Variants in WDR26 observed in about 807,000 individuals in gnomAD.
WDR26 encodes the protein WD repeat domain 26, also known as WD repeat-containing protein 26.
In WDR26, 5 loss-of-function variants were observed where a neutral mutation model predicts 84.1. That is an observed-to-expected ratio of 0.06 (90% CI 0.03 to 0.13). The LOEUF (loss-of-function observed/expected upper bound fraction) is 0.13. WDR26 is among the 10% of genes least tolerant of loss of function. WDR26 has a pLI of 1.00. For missense variants in WDR26, 642 were observed against 974.9 expected, an observed-to-expected ratio of 0.66 and a Z score of 4.55; for synonymous variants, 415 against 389.6, an observed-to-expected ratio of 1.07 and a Z score of -0.77.
chr1:224,419,704 C>T (rs2102914223), intron 4 of WDR26, 89 bp from the exon 5 acceptor site: 1 of 988,292 alleles, frequency 1.0e-6, no homozygotes, highest in East Asian at 2.5e-5. Flanking sequence ...TGGCTATCTG[C>T]TTCTTACTAA....
chr1:224,395,075 G>C (rs1033367056), intron 12 of WDR26, among the ~76,000 whole-genome samples: 1 of 152,174 alleles, frequency 6.6e-6, no homozygotes. Context: ...TTGGTTGAGA[G>C]TATGGGCTCT....
In WDR26 at chr1:224,399,037, G is replaced by A; in HGVS notation, c.1720-3C>T. The A allele has an allele frequency of 6.6e-7, 1 of 1,523,572 alleles. No individual in the cohort carries two copies. Among genetic ancestry groups the A allele is most frequent in the South Asian group, 1.3e-5 (1 of 77,306 alleles). The allele number at this position is 1,523,572 out of a possible 1,614,324, so 94.4% of individuals were successfully genotyped here. A position where few individuals can be genotyped will look rare whatever the true frequency, so the allele number is the denominator to read the frequency against. On this transcript the variant is annotated splice_polypyrimidine_tract_variant and splice_region_variant and intron_variant, in intron 9 of 13. Coordinates refer to ENST00000414423, the MANE Select transcript of WDR26 (RefSeq NM_001379403.1). ...TCAAGGAGATTACCATCTAAGTCCT[G>A]AGTAAGAAAAAACTACTATTAACTT...
At chr1:224,407,137 A>ATAT (rs1553355646) in intron 7 of WDR26, among the ~76,000 whole-genome samples, 3 of 38,476 alleles carry the variant, frequency 7.8e-5, no homozygotes, top group African/African-American at 3.3e-4. Flanking sequence ...AAAAAAAAAA[A>ATAT]AAAAAAAAAA....
At chr1:224,404,730 T>G (rs1195428956) in intron 7 of WDR26, among the ~76,000 whole-genome samples, 160 bp from the exon 8 acceptor site, 1 of 152,224 alleles carries the variant, frequency 6.6e-6, no homozygotes, top group African/African-American at 2.4e-5. Flanking sequence ...AAAGACTCAT[T>G]CACATTGCAA....
chr1:224,394,119 G>A, intron 12 of WDR26, 106 bp from the exon 13 acceptor site: 1 of 810,264 alleles, frequency 1.2e-6, no homozygotes. Flanking sequence ...GAACTTAAAG[G>A]GAAAATAAAT....
chr1:224,429,858 T>C (rs1350482226), intron 3 of WDR26: 1 of 152,204 alleles, frequency 6.6e-6, no homozygotes. Flanking sequence ...AACTCTCAAA[T>C]TACTATAAAC....
intron 4 of WDR26, among the ~76,000 whole-genome samples, chr1:224,421,732 C>A (rs2102916486): frequency 6.6e-6 from 1 of 152,218 alleles, no homozygotes; most frequent in East Asian, 1.9e-4. Flanking sequence ...GAGTTCAAGA[C>A]CAGTCTAAGC....
rs1000552856 is a variant in WDR26, at chr1:224,413,211, C to T, written c.1320-1646G>A. On this transcript the variant is annotated intron_variant, in intron 6 of 13. Coordinates refer to ENST00000414423, the MANE Select transcript of WDR26 (RefSeq NM_001379403.1). Reference sequence around the variant, plus strand: ...CAAACAACAACAACAACAAAAACCCCCCCCCCCAAAAAAAACGTTATTTAA... The same window carrying T: ...CAAACAACAACAACAACAAAAACCCTCCCCCCCAAAAAAAACGTTATTTAA... 2.2e-5 allele frequency: 15 copies of T among 696,504 alleles called. 1 individual carries two copies. Among genetic ancestry groups the T allele is most frequent in the Middle Eastern group, 3.3e-4 (1 of 3,032 alleles). The allele number at this position is 696,504 out of a possible 1,614,324, so 43.1% of individuals were successfully genotyped here.
At chr1:224,405,151 T>C (rs1047353790) in intron 7 of WDR26, among the ~76,000 whole-genome samples, 1 of 152,226 alleles carries the variant, frequency 6.6e-6, no homozygotes. Flanking sequence ...ATTTGCCTAT[T>C]CTGGACGTTT....
At position 224,403,061 on chromosome 1, in the gene WDR26, T is replaced by A. The variant is rs569621717; in HGVS notation, c.1599+1369A>T. Among the ~76,000 whole-genome samples the A allele has an allele frequency of 3.8e-4, 58 of 152,232 alleles. 1 individual carries two copies. The highest frequency in any genetic ancestry group is 2.8e-3 in the Admixed American group (43 of 15,292). On this transcript the variant is annotated intron_variant, in intron 8 of 13. Transcript: ENST00000414423. ...TATGTAATATATATGTAAGTACAAA[T>A]GCACATTTCTTTTTTTTTTTGAGAT... is the stretch of plus-strand genomic sequence containing the variant.
rs1281588506 is a variant in WDR26 at position 224,386,035 on chromosome 1, T to C, written c.*3800A>G. 2 of 152,402 alleles carry C rather than the reference T, an allele frequency of 1.3e-5. No individual in the cohort carries two copies. The highest frequency in any genetic ancestry group is 4.8e-5 in the African/African-American group (2 of 41,442). 9.4% of individuals were successfully genotyped at this position (152,402 alleles called of 1,614,324 possible). ...TTTTGTTAAATCCAGGCTATCTGGA[T>C]TAAGTAGATAGGGGATGGGTTTTTA... On this transcript the variant is annotated 3_prime_UTR_variant, in exon 14 of 14. Transcript: ENST00000414423.
intron 4 of WDR26, among the ~76,000 whole-genome samples, chr1:224,423,335 T>A (rs1674118178): frequency 6.6e-6 from 1 of 152,122 alleles, no homozygotes. Context: ...AGAAGAGAGG[T>A]TTCAGTCTTT....
chr1:224,407,173 A>ATATATATATATAT (rs1558426297), intron 7 of WDR26, among the ~76,000 whole-genome samples: 2 of 81,488 alleles, frequency 2.5e-5, no homozygotes, highest in African/African-American at 1.0e-4. Context: ...TATATATATA[A>ATATATATATATAT]CTCAAAAACT....
intron 6 of WDR26, among the ~76,000 whole-genome samples, chr1:224,414,548 T>C (rs1401350606): frequency 6.6e-6 from 1 of 152,212 alleles, no homozygotes; most frequent in Non-Finnish European, 1.5e-5. Flanking sequence ...AGCGGGTATT[T>C]AATTTCAAAG....
intron 1 of WDR26, among the ~76,000 whole-genome samples, chr1:224,432,079 C>T (rs1221533562): frequency 6.6e-6 from 1 of 152,076 alleles, no homozygotes; most frequent in African/African-American, 2.4e-5. Flanking sequence ...GTGCTGTAAC[C>T]AACTAGTCAA....
rs1356083197 is a variant in WDR26, at chr1:224,434,068, C to T, written c.338G>A (p.Gly113Asp). ...CCCTCCTCCTCCACCGCCGCCGCCGCCACCTCCTCCTCCTCCTCCTGCCCC... is the reference window on the plus strand; with the variant it reads ...CCCTCCTCCTCCACCGCCGCCGCCGTCACCTCCTCCTCCTCCTCCTGCCCC... Residue 113 changes from glycine to aspartate, a missense_variant, in exon 1 of 14, where the codon GGC (glycine) becomes GAC (aspartate). Transcript: ENST00000414423. 1.7e-5 allele frequency: 25 copies of T among 1,449,314 alleles called. No homozygotes were observed. Among genetic ancestry groups the T allele is most frequent in the Non-Finnish European group, 2.2e-5 (24 of 1,106,546 alleles). 89.8% of individuals were successfully genotyped at this position (1,449,314 alleles called of 1,614,324 possible). A position where few individuals can be genotyped will look rare whatever the true frequency, so the allele number is the denominator to read the frequency against.
At chr1:224,433,294 T>A (rs1038179158) in intron 1 of WDR26, among the ~76,000 whole-genome samples, 2 of 152,020 alleles carry the variant, frequency 1.3e-5, no homozygotes, top group African/African-American at 4.8e-5. Context: ...CAAGGTTCAT[T>A]ATTTCCACCA....
intron 6 of WDR26, among the ~76,000 whole-genome samples, chr1:224,413,840 C>A (rs1173183591): frequency 1.3e-5 from 2 of 152,136 alleles, no homozygotes; most frequent in Admixed American, 1.3e-4. Flanking sequence ...GATGGAGTCT[C>A]GCTCTGTTGT....
At chr1:224,398,291 T>G (rs756994761) in intron 11 of WDR26, 65 bp from the exon 12 acceptor site, 1 of 1,562,012 alleles carries the variant, frequency 6.4e-7, no homozygotes, top group Non-Finnish European at 8.6e-7. Context: ...AAAAAGTATC[T>G]GTAAATATCC....
Sources: gnomAD v4.1 joint callset for allele counts (sites outside exome capture counted in the v4.1 genomes callset) on GRCh38, gnomAD v4.1.1 for gene constraint, MANE v1.5 for transcripts, NCBI Gene and HGNC (gene_info 2026-07-23, HGNC 2026-07-21) for gene names.